Variants in CWC27 observed in about 807,000 individuals in gnomAD.
CWC27 encodes CWC27 spliceosome associated cyclophilin.
A neutral mutation model predicts 63.6 loss-of-function variants in CWC27; 47 were observed. The ratio of observed to expected loss-of-function variants is 0.74; its 90% CI spans 0.58 to 0.94. The LOEUF is 0.94. CWC27 is among the 40% of genes least tolerant of loss of function. CWC27 has a pLI of 0.00. For synonymous variants in CWC27, 175 were observed against 179.8 expected (o/e 0.97, Z 0.22); for missense variants, 495 against 554.3 (o/e 0.89, Z 1.07).
At chr5:64,939,106 T>C (rs1013232075) in intron 11 of CWC27, among the ~76,000 whole-genome samples, 3 of 152,220 alleles carry the variant, frequency 2.0e-5, no homozygotes, top group Admixed American at 2.0e-4. Context: ...AGCCTACTTC[T>C]GTCAATTCAT....
At chr5:65,014,119 CA>C (rs1750010285) in intron 13 of CWC27, among the ~76,000 whole-genome samples, 1 of 150,544 alleles carries the variant, frequency 6.6e-6, no homozygotes, top group Non-Finnish European at 1.5e-5. Flanking sequence ...AAAAAAACAC[CA>C]AAAACAATAA....
chr5:64,959,515 A>G (rs1403939295), intron 11 of CWC27, among the ~76,000 whole-genome samples: 4 of 152,202 alleles, frequency 2.6e-5, no homozygotes, highest in Admixed American at 6.5e-5. Flanking sequence ...TAAAACCACA[A>G]TGAATGGCTG....
chr5:65,001,681 G>A (rs1171758482), intron 13 of CWC27, among the ~76,000 whole-genome samples: 1 of 152,022 alleles, frequency 6.6e-6, no homozygotes, highest in Non-Finnish European at 1.5e-5. Context: ...CTTGATCATG[G>A]TGTGTATTAT....
At chr5:64,813,862 G>T (rs1744954339) in intron 10 of CWC27, among the ~76,000 whole-genome samples, 1 of 152,086 alleles carries the variant, frequency 6.6e-6, no homozygotes, top group Non-Finnish European at 1.5e-5. Context: ...ACACAAAGTT[G>T]GAAGTACATG....
At chr5:64,853,414 T>C (rs1350954119) in intron 10 of CWC27, among the ~76,000 whole-genome samples, 1 of 152,152 alleles carries the variant, frequency 6.6e-6, no homozygotes, top group African/African-American at 2.4e-5. Context: ...AATCTTCTTG[T>C]CCCCCCTTCA....
chr5:64,842,821 C>G (rs1745880007), intron 10 of CWC27, among the ~76,000 whole-genome samples: 1 of 152,072 alleles, frequency 6.6e-6, no homozygotes, highest in East Asian at 1.9e-4. Context: ...AAGCTGGTCT[C>G]AAACTCCTGA....
chr5:64,895,456 G>T (rs1747349041), intron 11 of CWC27, among the ~76,000 whole-genome samples: 1 of 152,108 alleles, frequency 6.6e-6, no homozygotes, highest in African/African-American at 2.4e-5. Context: ...AGTTGGAAAT[G>T]GCCCTTGATC....
intron 11 of CWC27, among the ~76,000 whole-genome samples, chr5:64,903,378 G>A (rs1039535505): frequency 1.3e-5 from 2 of 152,096 alleles, no homozygotes; most frequent in African/African-American, 2.4e-5. Flanking sequence ...CCTTTGCAAG[G>A]ACATGGATGA....
intron 9 of CWC27, among the ~76,000 whole-genome samples, chr5:64,803,679 T>C (rs890185810): frequency 3.9e-5 from 6 of 152,140 alleles, no homozygotes; most frequent in Non-Finnish European, 7.4e-5. Flanking sequence ...AACTCCAAAG[T>C]TGGCTAGTGT....
chr5:64,957,861 T>A (rs1748832490), intron 11 of CWC27, among the ~76,000 whole-genome samples: 1 of 152,158 alleles, frequency 6.6e-6, no homozygotes, highest in African/African-American at 2.4e-5. Context: ...TCAGAACCTG[T>A]CTTTACTGAT....
intron 13 of CWC27, among the ~76,000 whole-genome samples, chr5:64,980,376 A>G (rs985059697): frequency 3.9e-5 from 6 of 152,224 alleles, no homozygotes; most frequent in African/African-American, 1.4e-4. Flanking sequence ...TGAAGTCCAT[A>G]TGCCAAATTG....
chr5:64,814,867 G>GCC (rs1270564632), intron 10 of CWC27, among the ~76,000 whole-genome samples: 3 of 152,132 alleles, frequency 2.0e-5, no homozygotes, highest in African/African-American at 7.2e-5. Context: ...AGTAATAAGG[G>GCC]CCTAACTAAG....
rs751026438 is a variant in CWC27, at chr5:64,977,263, T to C, written c.1256+25T>C. 9 of 1,472,322 alleles carry C rather than the reference T, an allele frequency of 6.1e-6. No homozygotes were observed. In the African/African-American group the frequency reaches 8.3e-5, roughly 14 times the overall value. 91.2% of individuals were successfully genotyped at this position (1,472,322 alleles called of 1,614,324 possible). ...GGTAAGGGCTTTGATTTCTGTATATTAACCATGAACAAATAGTCTCAGAGC... is the reference window on the plus strand; with the variant it reads ...GGTAAGGGCTTTGATTTCTGTATATCAACCATGAACAAATAGTCTCAGAGC... On this transcript the variant is annotated intron_variant, in intron 13 of 13. Transcript: ENST00000381070.
chr5:64,881,351 T>G (rs1746931149), intron 10 of CWC27, among the ~76,000 whole-genome samples: 1 of 152,126 alleles, frequency 6.6e-6, no homozygotes, highest in Non-Finnish European at 1.5e-5. Context: ...TCTAAATCTT[T>G]GACTATTTAA....
At chr5:64,774,895 C>T (rs140865325) in intron 2 of CWC27, 108 bp downstream of exon 2, 2 of 641,616 alleles carry the variant, frequency 3.1e-6, no homozygotes, top group African/African-American at 3.7e-5. Context: ...TCATGAATGA[C>T]AGGTGTTGCT....
chr5:64,977,332 T>G, intron 13 of CWC27, 94 bp downstream of exon 13: 1 of 835,714 alleles, frequency 1.2e-6, no homozygotes, highest in Non-Finnish European at 1.8e-6. Context: ...CCTTTTGTTT[T>G]CAGAGTTTAC....
rs146101916 is a variant in CWC27 at position 64,930,304 on chromosome 5, T to C, written c.1043-41399T>C. On this transcript the variant is annotated intron_variant, in intron 11 of 13. Coordinates refer to ENST00000381070, the MANE Select transcript of CWC27 (RefSeq NM_005869.4). ...GGGTGGTGGAAATTTTCTGGAATTA[T>C]AGTGGTGACGGTTTTACAACATTGT... Among the ~76,000 whole-genome samples, 408 of 152,206 alleles carry C rather than the reference T, an allele frequency of 2.7e-3. 6 individuals are homozygous for C. Among genetic ancestry groups the C allele is most frequent in the African/African-American group, 9.6e-3 (397 of 41,552 alleles).
At chr5:64,917,220 G>A (rs762699603) in intron 11 of CWC27, among the ~76,000 whole-genome samples, 3 of 152,056 alleles carry the variant, frequency 2.0e-5, no homozygotes, top group Admixed American at 6.5e-5. Context: ...ACTTCTACAC[G>A]TGTTCTTATC....
At chr5:64,919,938 G>T (rs1335576837) in intron 11 of CWC27, among the ~76,000 whole-genome samples, 1 of 152,188 alleles carries the variant, frequency 6.6e-6, no homozygotes, top group Non-Finnish European at 1.5e-5. Flanking sequence ...TAGTGGGATT[G>T]CTGGGTCAAA....
Sources: gnomAD v4.1 joint callset for allele counts (sites outside exome capture counted in the v4.1 genomes callset) on GRCh38, gnomAD v4.1.1 for gene constraint, MANE v1.5 for transcripts, NCBI Gene and HGNC (gene_info 2026-07-23, HGNC 2026-07-21) for gene names.